Variants in MTOR observed in about 807,000 individuals in gnomAD.
The protein encoded by MTOR is mechanistic target of rapamycin kinase.
In MTOR, 70 loss-of-function variants were observed where a neutral mutation model predicts 319.8. That is an observed-to-expected ratio of 0.22 (90% CI 0.18 to 0.27). The LOEUF is 0.27. Among genes scored for constraint, MTOR ranks in the 10% least tolerant of loss-of-function variants. The probability of loss-of-function intolerance (pLI) is 1.00; values close to 1 mark genes in which losing one functional copy is unlikely to be tolerated. For synonymous variants in MTOR, 1,183 were observed against 1,211.4 expected, an observed-to-expected ratio of 0.98 and a Z score of 0.49; for missense variants, 1,890 against 3,274.4, an observed-to-expected ratio of 0.58 and a Z score of 10.32.
intron 36 of MTOR, among the ~76,000 whole-genome samples, chr1:11,135,002 A>G (rs1643337608): frequency 6.6e-6 from 1 of 152,252 alleles, no homozygotes; most frequent in East Asian, 1.9e-4. Context: ...AGAAGATATT[A>G]GCTCAGCAGA....
chr1:11,174,503 C>T (rs1644922732), intron 28 of MTOR, among the ~76,000 whole-genome samples: 1 of 152,218 alleles, frequency 6.6e-6, no homozygotes, highest in Non-Finnish European at 1.5e-5. Flanking sequence ...TTTTCAAAGA[C>T]AGCCAGGCTT....
chr1:11,121,390 C>CA lies in MTOR; in HGVS notation c.6811-23dup. 1 of 1,613,396 alleles carries CA rather than the reference C, an allele frequency of 6.2e-7. No homozygotes were observed. The highest frequency in any genetic ancestry group is 8.5e-7 in the Non-Finnish European group (1 of 1,179,872). The stretch of plus-strand genomic sequence containing the variant: ...CCATCTGCATCAGGACACAACTGTT[C>CA]AGTAAGAGAGCAGCCTAAGACATGT... On this transcript the variant is annotated intron_variant, in intron 48 of 57. Transcript: ENST00000361445. This position sits in a 1 kb window ranked among gnomAD's most constrained non-coding sequence, Gnocchi z 4.9.
intron 9 of MTOR, among the ~76,000 whole-genome samples, chr1:11,242,845 A>G (rs961971124): frequency 2.6e-5 from 4 of 152,270 alleles, no homozygotes; most frequent in Non-Finnish European, 5.9e-5. Context: ...AAGCAAAACT[A>G]GCAGATTCCC....
At position 11,234,219 on chromosome 1, in the gene MTOR, T is replaced by C; in HGVS notation, c.2255A>G (p.Gln752Arg). The change falls in exon 14 of 58, where the codon CAG becomes CGG. Residue 752 changes from glutamine (Q) to arginine (R), a missense_variant. By Grantham distance (43) the Gln-to-Arg change is conservative. Transcript: ENST00000361445. ...CAGGTGCCCCAGCATGCGGGCACTC[T>C]GCTCTTTGATTCTTCCAATCCCACT... ...EHSGIGRIKE[Q>R]SARMLGHLVS... The C allele has an allele frequency of 6.2e-7, 1 of 1,614,164 alleles. No homozygotes were observed. Among genetic ancestry groups the C allele is most frequent in the African/African-American group, 1.3e-5 (1 of 75,052 alleles).
chr1:11,170,654 C>T (rs1027024563), intron 28 of MTOR, among the ~76,000 whole-genome samples: 2 of 151,092 alleles, frequency 1.3e-5, no homozygotes, highest in Admixed American at 1.3e-4. Context: ...GGATGAAGGC[C>T]ATCTTTATTT....
At chr1:11,248,269 A>C (rs1649111629) in intron 6 of MTOR, among the ~76,000 whole-genome samples, 175 bp from the exon 7 acceptor site, 1 of 152,116 alleles carries the variant, frequency 6.6e-6, no homozygotes. Context: ...CTTGCAAGGG[A>C]CCTGATTTTG....
chr1:11,147,739 TA>T (rs1334171611), intron 31 of MTOR, among the ~76,000 whole-genome samples: 1 of 152,186 alleles, frequency 6.6e-6, no homozygotes, highest in Non-Finnish European at 1.5e-5. Flanking sequence ...GAGGGTTATG[TA>T]ACTTTCCTCT....
intron 49 of MTOR, among the ~76,000 whole-genome samples, chr1:11,119,729 G>C (rs1422259246): frequency 6.7e-6 from 1 of 148,612 alleles, no homozygotes; most frequent in Non-Finnish European, 1.5e-5. Flanking sequence ...CTGGGTAACA[G>C]AGTAAGACCT....
chr1:11,190,618 T>C (rs984901638), intron 28 of MTOR, among the ~76,000 whole-genome samples: 5 of 152,222 alleles, frequency 3.3e-5, no homozygotes, highest in African/African-American at 7.2e-5. Context: ...TGCTGAAATA[T>C]AGACTTAATA....
chr1:11,159,676 G>A (rs529100509), intron 29 of MTOR, among the ~76,000 whole-genome samples: 30 of 152,048 alleles, frequency 2.0e-4, no homozygotes, highest in Admixed American at 1.1e-3. Flanking sequence ...GCTAAAGATG[G>A]CAAAAGATTC....
intron 17 of MTOR, 72 bp from the exon 18 acceptor site, chr1:11,231,126 C>T: frequency 6.2e-7 from 1 of 1,608,058 alleles, no homozygotes. Flanking sequence ...CACGGATACT[C>T]CTCTCAGGTT....
rs1230466489 is a variant in MTOR at position 11,128,396 on chromosome 1, G to C, written c.5910+58C>G. The C allele has an allele frequency of 6.4e-7, 1 of 1,557,150 alleles. No individual in the cohort carries two copies. The highest frequency in any genetic ancestry group is 8.8e-7 in the Non-Finnish European group (1 of 1,129,968). On this transcript the variant is annotated intron_variant, in intron 42 of 57. Coordinates refer to ENST00000361445, the MANE Select transcript of MTOR (RefSeq NM_004958.4). This position sits in a 1 kb window ranked among gnomAD's most constrained non-coding sequence, Gnocchi z 5.3. ...GCTTGTGTCGCCAGGGCAGCTTTTG[G>C]AAAGGCTGACCACCAAACCAGTGGT...
intron 1 of MTOR, 98 bp from the exon 2 acceptor site, chr1:11,259,521 T>C: frequency 3.8e-6 from 5 of 1,324,810 alleles, no homozygotes; most frequent in Middle Eastern, 4.5e-4. Flanking sequence ...CCCCTAGCCC[T>C]TGTCAGGCAG....
chr1:11,107,430 T>A lies in MTOR; in HGVS notation c.*55A>T. 1 of 1,585,702 alleles carries A rather than the reference T, an allele frequency of 6.3e-7. No individual in the cohort carries two copies. The highest frequency in any genetic ancestry group is 2.2e-5 in the East Asian group (1 of 44,736). On this transcript the variant is annotated 3_prime_UTR_variant, in exon 58 of 58. Transcript: ENST00000361445. ...CATGGTTTCAGTTTAGTGGAAGCAT[T>A]TACTAAAGTACAAAAGCCTCAGAAA...
chr1:11,196,373 T>A lies in MTOR; in HGVS notation c.4253+2885A>T, dbSNP rs1247593324. On this transcript the variant is annotated intron_variant, in intron 28 of 57. Coordinates refer to ENST00000361445, the MANE Select transcript of MTOR (RefSeq NM_004958.4). ...AAGAAAGCAAATATATTTACTGATA[T>A]GTGAGCTTTAAGGAGATGGGGGTAG... Among the ~76,000 whole-genome samples, 3 of 152,326 alleles carry A rather than the reference T, an allele frequency of 2.0e-5. No individual in the cohort carries two copies. In the South Asian group the frequency reaches 6.2e-4, roughly 32 times the overall value.
chr1:11,128,834 C>G lies in MTOR; in HGVS notation c.5811+21G>C. 6.3e-7 allele frequency: 1 copy of G among 1,598,076 alleles called. No homozygotes were observed. The highest frequency in any genetic ancestry group is 8.6e-7 in the Non-Finnish European group (1 of 1,166,560). ...GAAGAGAGACTTGGAGCCACCTTCA[C>G]CTGTAACCAAGTATCCTCACCTGTA... On this transcript the variant is annotated intron_variant, in intron 41 of 57. Coordinates refer to ENST00000361445, the MANE Select transcript of MTOR (RefSeq NM_004958.4). This position sits in a 1 kb window ranked among gnomAD's most constrained non-coding sequence, Gnocchi z 5.3.
chr1:11,145,068 G>C (rs2100510980), intron 32 of MTOR, 23 bp from the exon 33 acceptor site: 1 of 1,610,788 alleles, frequency 6.2e-7, no homozygotes. Context: ...CAACCCTTGG[G>C]ACTGAGCTCT....
chr1:11,248,517 A>G (rs1210801546), intron 6 of MTOR, among the ~76,000 whole-genome samples: 2 of 152,230 alleles, frequency 1.3e-5, no homozygotes, highest in East Asian at 1.9e-4. Flanking sequence ...AAACCCAGGT[A>G]AAAACTTATG....
chr1:11,237,711 G>T, intron 13 of MTOR, 132 bp downstream of exon 13: 1 of 934,630 alleles, frequency 1.1e-6, no homozygotes, highest in Non-Finnish European at 1.6e-6. Flanking sequence ...GACCTTTGCA[G>T]ACAAATGCGG....
Sources: allele counts gnomAD v4.1 joint callset (sites outside exome capture counted in the v4.1 genomes callset), GRCh38; gene constraint gnomAD v4.1.1; non-coding constraint Gnocchi (gnomAD v3.1); transcripts MANE v1.5; gene names NCBI Gene and HGNC (gene_info 2026-07-23, HGNC 2026-07-21).